The following LRRC43 variants were observed in gnomAD, a reference collection of about 807,000 sequenced individuals.
LRRC43 encodes leucine-rich repeat-containing protein 43.
Under a neutral mutation model 64.3 loss-of-function variants are expected in LRRC43, and 62 were observed. That is an observed-to-expected ratio of 0.96 (90% CI 0.79 to 1.19). LRRC43 has a LOEUF of 1.19. LRRC43 is among the 50% of genes most tolerant of loss of function. LRRC43 has a pLI of 0.00. For synonymous variants in LRRC43, 422 were observed against 382.3 expected (o/e 1.10, Z -1.21); for missense variants, 868 against 845.0 (o/e 1.03, Z -0.34).
chr12:122,183,419 G>A (rs1424309053), intron 1 of LRRC43, 125 bp downstream of exon 1: 1 of 1,104,256 alleles, frequency 9.1e-7, no homozygotes, highest in African/African-American at 1.7e-5. Context: ...CGCCGACATG[G>A]GGGCGGGTGG....
intron 7 of LRRC43, among the ~76,000 whole-genome samples, chr12:122,197,553 A>G (rs530880155): frequency 6.6e-6 from 1 of 152,192 alleles, no homozygotes; most frequent in Admixed American, 6.5e-5. Context: ...CACGTCCGCA[A>G]GGTTGGCTGC....
chr12:122,170,292 T>A (rs1953473592), intron 1 of LRRC43, among the ~76,000 whole-genome samples: 1 of 152,116 alleles, frequency 6.6e-6, no homozygotes, highest in Non-Finnish European at 1.5e-5. Flanking sequence ...TCTGGAAAGA[T>A]CACCAAAACC....
At chr12:122,187,587 G>T (rs1953659394) in intron 3 of LRRC43, 114 bp from the exon 4 acceptor site, 3 of 866,250 alleles carry the variant, frequency 3.5e-6, no homozygotes, top group Non-Finnish European at 5.3e-6. Context: ...AGGGAGGCCA[G>T]GTGTGAGTAG....
At chr12:122,177,812 TTTTATTTATTTATTTA>T (rs56698669) in intron 1 of LRRC43, among the ~76,000 whole-genome samples, 3 of 138,420 alleles carry the variant, frequency 2.2e-5, no homozygotes, top group Admixed American at 7.5e-5. Flanking sequence ...ACCTTTGTGG[TTTTATTTATTTATTTA>T]TTTATTTATT....
In LRRC43 at chr12:122,190,207, TCCGGCA is replaced by T. The variant is rs1266079876; in HGVS notation, c.743_748del (p.Arg248_His249del). 4 of 1,614,092 alleles carry T rather than the reference TCCGGCA, an allele frequency of 2.5e-6. No homozygotes were observed. In the South Asian group the frequency reaches 4.4e-5, roughly 18 times the overall value. On this transcript the variant is annotated inframe_deletion, in exon 5 of 12. Transcript: ENST00000339777. ...AGCATGGTCACCAGCCTGAGGACCC[TCCGGCA>T]CCTGCGACTCCTGGTGCTGCAGGGA...
chr12:122,174,083 G>A, intron 1 of LRRC43: 10 of 1,613,686 alleles, frequency 6.2e-6, no homozygotes, highest in Non-Finnish European at 7.6e-6. Context: ...CAACCCTGGG[G>A]GTAGTGCTTC....
chr12:122,175,769 C>T (rs901319293), intron 1 of LRRC43, among the ~76,000 whole-genome samples: 7 of 152,122 alleles, frequency 4.6e-5, no homozygotes, highest in Non-Finnish European at 1.0e-4. Flanking sequence ...TGGGTTCAAG[C>T]GATTCTCCTG....
Position 122,192,777 on chromosome 12 carries a change from A to G in LRRC43, c.1122A>G (p.Leu374=). 1 of 1,614,058 alleles carries G rather than the reference A, an allele frequency of 6.2e-7. No homozygotes were observed. The highest frequency in any genetic ancestry group is 8.5e-7 in the Non-Finnish European group (1 of 1,179,942). ...IVKPSPSLEL[L]VEESPEEVVE... ...AGCCCTCTCCCAGCTTAGAATTATT[A>G]GTTGAGGAATCTCCTGAAGAGGTCG... The change falls in exon 7 of 12, where the codon TTA becomes TTG. Residue 374 remains leucine, a synonymous_variant. Coordinates refer to ENST00000339777, the MANE Select transcript of LRRC43 (RefSeq NM_001098519.2).
chr12:122,184,839 G>T lies in LRRC43; in HGVS notation c.411+60G>T. 1.3e-6 allele frequency: 2 copies of T among 1,537,756 alleles called. No individual in the cohort carries two copies. The highest frequency in any genetic ancestry group is 1.8e-6 in the Non-Finnish European group (2 of 1,135,390). On this transcript the variant is annotated intron_variant, in intron 2 of 11. Transcript: ENST00000339777. This position sits in a 1 kb window ranked among gnomAD's most constrained non-coding sequence, Gnocchi z 4.0. ...TGGCCGCTCCCCTAAGGGAGGTTGT[G>T]GGGAGGGCACCCTTCCCCACAGCGC...
In LRRC43 at chr12:122,203,376, A is replaced by G; in HGVS notation, c.1905A>G (p.Val635=). 2.5e-6 allele frequency: 4 copies of G among 1,613,472 alleles called. No homozygotes were observed. In the South Asian group the frequency reaches 3.3e-5, roughly 13 times the overall value. The change falls in exon 12 of 12, where the codon GTA becomes GTG. Residue 635 remains valine, a synonymous_variant. Transcript: ENST00000339777. ...EGDYHPEPLT[V]EVQIQLNQCR... The stretch of plus-strand genomic sequence containing the variant: ...ATTACCACCCTGAGCCCCTGACCGT[A>G]GAGGTGCAGATCCAGCTGAACCAGT...
At chr12:122,172,338 G>T in intron 1 of LRRC43, 1 of 1,080,428 alleles carries the variant, frequency 9.3e-7, no homozygotes, top group Non-Finnish European at 1.4e-6. Context: ...TCACGGCAGA[G>T]TTCCCACACT....
upstream of LRRC43, among the ~76,000 whole-genome samples, chr12:122,179,287 G>T (rs569547099): frequency 3.6e-3 from 552 of 152,152 alleles, 5 homozygotes; most frequent in African/African-American, 0.012. Context: ...TTAACTTTTT[G>T]TAGAAATAAG....
At chr12:122,175,563 G>A (rs1347658014) in intron 1 of LRRC43, among the ~76,000 whole-genome samples, 1 of 150,970 alleles carries the variant, frequency 6.6e-6, no homozygotes, top group African/African-American at 2.4e-5. Flanking sequence ...GAGTGCAGTG[G>A]CATCATCACA....
At chr12:122,176,229 T>C (rs6489188) in intron 1 of LRRC43, among the ~76,000 whole-genome samples, 113,001 of 152,096 alleles carry the variant, frequency 0.74, 43,059 homozygotes, top group African/African-American at 0.92. Flanking sequence ...AGGAGCCAGT[T>C]GTGGGAAGAC....
intron 3 of LRRC43, 78 bp from the exon 4 acceptor site, chr12:122,187,623 C>T (rs1050824092): frequency 1.5e-5 from 21 of 1,373,686 alleles, no homozygotes; most frequent in Admixed American, 2.0e-5. Flanking sequence ...CTAAGTTTTG[C>T]GGGACAGAGG....
At chr12:122,175,231 G>A (rs544702571) in intron 1 of LRRC43, among the ~76,000 whole-genome samples, 47 of 151,134 alleles carry the variant, frequency 3.1e-4, no homozygotes, top group Middle Eastern at 3.4e-3. Flanking sequence ...GTGCAGTAGC[G>A]CAATCTCGGC....
chr12:122,179,180 AAAC>A (rs1953561597), upstream of LRRC43, among the ~76,000 whole-genome samples: 1 of 152,064 alleles, frequency 6.6e-6, no homozygotes, highest in Non-Finnish European at 1.5e-5. Flanking sequence ...CTGCAGCCTC[AAAC>A]TCCCAGGCTC....
chr12:122,189,359 G>T (rs557903539), intron 4 of LRRC43: 2 of 452,934 alleles, frequency 4.4e-6, no homozygotes, highest in Non-Finnish European at 8.9e-6. Context: ...GGGAAGGGAA[G>T]CCCCCTCTCT....
In LRRC43 at chr12:122,200,530, A is replaced by G; in HGVS notation, c.1492-2A>G. 1 of 1,614,074 alleles carries G rather than the reference A, an allele frequency of 6.2e-7. No homozygotes were observed. Among genetic ancestry groups the G allele is most frequent in the Non-Finnish European group, 8.5e-7 (1 of 1,180,000 alleles). On this transcript the variant is annotated splice_acceptor_variant, in intron 8 of 11. Coordinates refer to ENST00000339777, the MANE Select transcript of LRRC43 (RefSeq NM_001098519.2). LOFTEE classifies it high-confidence loss of function. This position sits in a 1 kb window ranked among gnomAD's most constrained non-coding sequence, Gnocchi z 4.6. ...CACTCGAGGATTCTCTCCTGCCCCT[A>G]GATTCTCTCCTGGCCTGTGGTGCTA...
Sources: allele counts gnomAD v4.1 joint callset (sites outside exome capture counted in the v4.1 genomes callset), GRCh38; gene constraint gnomAD v4.1.1; non-coding constraint Gnocchi (gnomAD v3.1); transcripts MANE v1.5; gene names NCBI Gene and HGNC (gene_info 2026-07-23, HGNC 2026-07-21).